The following STON1 variants were observed in gnomAD, a reference collection of about 807,000 sequenced individuals.
STON1 encodes stonin 1, also known as stonin-1.
A neutral mutation model predicts 60.9 loss-of-function variants in STON1; 79 were observed. The ratio of observed to expected loss-of-function variants is 1.30; its 90% CI spans 1.08 to 1.56. STON1 has a LOEUF of 1.56. STON1 is among the 40% of genes most tolerant of loss of function. The pLI, the probability that STON1 is intolerant of heterozygous loss-of-function variation, is 0.00. For missense variants in STON1, 1,166 were observed against 858.9 expected, an observed-to-expected ratio of 1.36 and a Z score of -4.47; for synonymous variants, 363 against 306.9, an observed-to-expected ratio of 1.18 and a Z score of -1.91.
At chr2:48,541,478 G>A (rs768497700) in intron 1 of STON1, among the ~76,000 whole-genome samples, 12 of 146,548 alleles carry the variant, frequency 8.2e-5, no homozygotes, top group Non-Finnish European at 1.5e-4. Context: ...GACATCAAGA[G>A]TTCAAAACCA....
chr2:48,558,875 A>G (rs1672495541), intron 1 of STON1, among the ~76,000 whole-genome samples: 1 of 152,148 alleles, frequency 6.6e-6, no homozygotes. Context: ...GGCCTTTCCT[A>G]CAAGGTTATA....
chr2:48,582,710 A>C, intron 2 of STON1, 147 bp downstream of exon 2: 1 of 1,361,272 alleles, frequency 7.3e-7, no homozygotes, highest in East Asian at 2.5e-5. Flanking sequence ...ATTTAGCTAA[A>C]CAGCTGGTTT....
At chr2:48,566,584 G>C (rs559423107) in intron 1 of STON1, among the ~76,000 whole-genome samples, 1 of 152,320 alleles carries the variant, frequency 6.6e-6, no homozygotes, top group East Asian at 1.9e-4. Flanking sequence ...CACCCGACCT[G>C]TGACTGGGCA....
chr2:48,578,955 A>T (rs529213056), intron 1 of STON1, among the ~76,000 whole-genome samples: 1 of 151,614 alleles, frequency 6.6e-6, no homozygotes, highest in East Asian at 1.9e-4. Flanking sequence ...ATAAGATTAC[A>T]GTTTAGTTTC....
chr2:48,559,681 G>C (rs1335507928), intron 1 of STON1, among the ~76,000 whole-genome samples: 1 of 152,184 alleles, frequency 6.6e-6, no homozygotes, highest in Non-Finnish European at 1.5e-5. Flanking sequence ...GGCAGTGGCA[G>C]GGCTGGGATT....
At chr2:48,586,117 G>A (rs565861475) in intron 2 of STON1, among the ~76,000 whole-genome samples, 1 of 152,332 alleles carries the variant, frequency 6.6e-6, no homozygotes, top group African/African-American at 2.4e-5. Context: ...TTCAAACTGA[G>A]AACCCATACC....
At position 48,581,023 on chromosome 2, in the gene STON1, T is replaced by C; in HGVS notation, c.390T>C (p.Cys130=). ...CCTTACTGCCTACCAGACCAACATGTTTATCCCATGCCTTGTTACCCAGTG... is the reference window on the plus strand; with the variant it reads ...CCTTACTGCCTACCAGACCAACATGCTTATCCCATGCCTTGTTACCCAGTG... The part of the protein sequence containing the change: ...ESSLLPTRPT[C]LSHALLPSDH... Residue 130 remains cysteine (C), a synonymous_variant, in exon 2 of 4, where the codon TGT becomes TGC. Transcript: ENST00000404752. 1 of 1,572,450 alleles carries C rather than the reference T, an allele frequency of 6.4e-7. No individual in the cohort carries two copies. Among genetic ancestry groups the C allele is most frequent in the Non-Finnish European group, 8.6e-7 (1 of 1,163,352 alleles).
intron 1 of STON1, among the ~76,000 whole-genome samples, chr2:48,548,859 T>C (rs1389796485): frequency 1.3e-5 from 2 of 152,202 alleles, no homozygotes; most frequent in Non-Finnish European, 1.5e-5. Flanking sequence ...TACTACAACA[T>C]TTTTACTGCA....
intron 1 of STON1, among the ~76,000 whole-genome samples, chr2:48,549,739 G>T (rs1672013191): frequency 6.6e-6 from 1 of 150,638 alleles, no homozygotes; most frequent in Non-Finnish European, 1.5e-5. Flanking sequence ...TTGAACTCAG[G>T]GGGACAGAGG....
intron 1 of STON1, among the ~76,000 whole-genome samples, chr2:48,561,008 G>A: frequency 6.6e-6 from 1 of 152,202 alleles, no homozygotes; most frequent in East Asian, 1.9e-4. Context: ...AGCTTTTTGT[G>A]TGTGTCTTAC....
intron 1 of STON1, among the ~76,000 whole-genome samples, chr2:48,561,042 T>C (rs1166562063): frequency 6.6e-6 from 1 of 152,214 alleles, no homozygotes; most frequent in Non-Finnish European, 1.5e-5. Flanking sequence ...TTTCCTCCTC[T>C]TGTAAAGTGA....
chr2:48,584,069 G>A (rs1321528757), intron 2 of STON1, among the ~76,000 whole-genome samples: 2 of 151,926 alleles, frequency 1.3e-5, no homozygotes, highest in African/African-American at 4.8e-5. Flanking sequence ...AATCTTTACT[G>A]AGTACTTACT....
At chr2:48,557,808 C>T (rs1449495500) in intron 1 of STON1, among the ~76,000 whole-genome samples, 1 of 152,234 alleles carries the variant, frequency 6.6e-6, no homozygotes, top group Admixed American at 6.5e-5. Flanking sequence ...AAGCACTCCC[C>T]ATAGACTTGG....
intron 2 of STON1, among the ~76,000 whole-genome samples, chr2:48,586,723 C>CA (rs5830992): frequency 0.99 from 151,056 of 152,258 alleles, 74,934 homozygotes; most frequent in East Asian, 1. Flanking sequence ...GGGTTGTTTT[C>CA]GGCATGACTG....
At chr2:48,532,150 C>A (rs1193950499) in intron 1 of STON1, among the ~76,000 whole-genome samples, 2 of 151,948 alleles carry the variant, frequency 1.3e-5, no homozygotes, top group Non-Finnish European at 2.9e-5. Flanking sequence ...GAGTTCGAGA[C>A]CAGCCTGGCC....
chr2:48,580,680 C>A lies in STON1; in HGVS notation c.47C>A (p.Pro16His). 2 of 1,432,288 alleles carry A rather than the reference C, an allele frequency of 1.4e-6. No individual in the cohort carries two copies. Among genetic ancestry groups the A allele is most frequent in the South Asian group, 1.8e-5 (1 of 56,990 alleles). 88.7% of individuals were successfully genotyped at this position (1,432,288 alleles called of 1,614,324 possible). ...AAATGGGTCACCTTTGATGATGATC[C>A]TGCTGTTCAATCTTCTCAAAAGTCA... Reference protein sequence around the residue: ...PGKWVTFDDDPAVQSSQKSKN... With the variant: ...PGKWVTFDDDHAVQSSQKSKN... The change falls in exon 2 of 4, where the codon CCT (proline) becomes CAT (histidine). Residue 16 changes from proline to histidine, a missense_variant. Transcript: ENST00000404752.
chr2:48,566,356 A>G (rs1028103422), intron 1 of STON1, among the ~76,000 whole-genome samples: 2 of 152,100 alleles, frequency 1.3e-5, no homozygotes, highest in African/African-American at 2.4e-5. Context: ...TTGTATTTTT[A>G]GTAGAGACGG....
At chr2:48,593,685 T>C (rs1008084465) in intron 3 of STON1, among the ~76,000 whole-genome samples, 6 of 152,206 alleles carry the variant, frequency 3.9e-5, no homozygotes, top group Admixed American at 6.5e-5. Context: ...GCCATTCTGA[T>C]TTTCTACTAA....
intron 1 of STON1, among the ~76,000 whole-genome samples, chr2:48,540,676 C>CTGAACCCAAAGACGGCGCTCT (rs1273551909): frequency 6.6e-6 from 1 of 152,232 alleles, no homozygotes; most frequent in African/African-American, 2.4e-5. Context: ...AGCAAATTCG[C>CTGAACCCAAAGACGGCGCTCT]TGAACCCAAA....
Sources: gnomAD v4.1 joint callset for allele counts (sites outside exome capture counted in the v4.1 genomes callset) on GRCh38, gnomAD v4.1.1 for gene constraint, MANE v1.5 for transcripts, NCBI Gene and HGNC (gene_info 2026-07-23, HGNC 2026-07-21) for gene names.